SLC7A14: variants seen among roughly 807,000 people sequenced by gnomAD.
SLC7A14 encodes gamma-aminobutyric acid transporter SLC7A14.
In SLC7A14, 37 loss-of-function variants were observed where a neutral mutation model predicts 60.2. The observed-to-expected ratio is 0.61, with a 90% CI of 0.47 to 0.81. The LOEUF is 0.81. Ranked by LOEUF, SLC7A14 falls within the 30% of genes least tolerant of loss-of-function variation. The pLI is 0.00. For synonymous variants in SLC7A14, 399 were observed against 395.8 expected (o/e 1.01, Z -0.10); for missense variants, 886 against 982.7 (o/e 0.90, Z 1.32).
chr3:170,522,066 C>A (rs965659357), intron 2 of SLC7A14, among the ~76,000 whole-genome samples: 13 of 152,178 alleles, frequency 8.5e-5, no homozygotes, highest in Non-Finnish European at 1.3e-4. Context: ...CACATTGAAA[C>A]ATTGCTATAT....
At chr3:170,572,999 G>T (rs1246502688) in intron 1 of SLC7A14, among the ~76,000 whole-genome samples, 1 of 152,120 alleles carries the variant, frequency 6.6e-6, no homozygotes, top group East Asian at 1.9e-4. Context: ...AAAACCTCTT[G>T]GGAGTCTATT....
In SLC7A14 at chr3:170,463,521, G is replaced by A. The variant is rs570994806; in HGVS notation, c.*3534C>T. 3 of 152,104 alleles carry A rather than the reference G, an allele frequency of 2.0e-5. No homozygotes were observed. The highest frequency in any genetic ancestry group is 7.2e-5 in the African/African-American group (3 of 41,476). 9.4% of individuals were successfully genotyped at this position (152,104 alleles called of 1,614,324 possible). A position where few individuals can be genotyped will look rare whatever the true frequency, so the allele number is the denominator to read the frequency against. On this transcript the variant is annotated 3_prime_UTR_variant, in exon 8 of 8. Transcript: ENST00000231706. ...TTTATATATCCCATTTCCCCTATTTGATTTTCCTTTTTAAGAGACAGGGTA... is the reference window on the plus strand; with the variant it reads ...TTTATATATCCCATTTCCCCTATTTAATTTTCCTTTTTAAGAGACAGGGTA...
At chr3:170,498,608 G>A in intron 4 of SLC7A14, 59 bp downstream of exon 4, 2 of 1,521,638 alleles carry the variant, frequency 1.3e-6, no homozygotes, top group Admixed American at 3.4e-5. Flanking sequence ...TCTTAGGTTG[G>A]TCACAGGGTA....
At chr3:170,495,865 A>G in intron 4 of SLC7A14, 1 of 1,273,082 alleles carries the variant, frequency 7.9e-7, no homozygotes, top group East Asian at 2.3e-5. Flanking sequence ...AGCTACATGA[A>G]CAACCTTAGG....
chr3:170,468,086 A>G (rs1490372404), intron 7 of SLC7A14, among the ~76,000 whole-genome samples: 1 of 152,194 alleles, frequency 6.6e-6, no homozygotes. Context: ...TAGACTCTGC[A>G]GAAAATTGGC....
Position 170,468,324 on chromosome 3 carries a change from G to T in SLC7A14, c.1994-947C>A, listed in dbSNP as rs751259071. Reference sequence around the variant, plus strand: ...CTTTTCTTTTTTTTTTTGAGACAGGGTCTCACTCTGTTGTCCAGGCTGGAG... The same window carrying T: ...CTTTTCTTTTTTTTTTTGAGACAGGTTCTCACTCTGTTGTCCAGGCTGGAG... On this transcript the variant is annotated intron_variant, in intron 7 of 7. Coordinates refer to ENST00000231706, the MANE Select transcript of SLC7A14 (RefSeq NM_020949.3). 3.3e-5 allele frequency among the ~76,000 whole-genome samples: 5 copies of T among 151,572 alleles called. No individual in the cohort carries two copies. In the South Asian group the frequency reaches 6.2e-4, roughly 19 times the overall value.
intron 2 of SLC7A14, among the ~76,000 whole-genome samples, chr3:170,523,849 C>A (rs1404004771): frequency 6.6e-6 from 1 of 152,190 alleles, no homozygotes; most frequent in Non-Finnish European, 1.5e-5. Context: ...TGGAGCAGCA[C>A]TTCCTTTAGT....
chr3:170,472,233 G>A (rs1236482087), intron 7 of SLC7A14, among the ~76,000 whole-genome samples: 9 of 151,860 alleles, frequency 5.9e-5, no homozygotes, highest in East Asian at 1.9e-4. Flanking sequence ...AGCTGGGCAC[G>A]GTGGCGGGCA....
intron 6 of SLC7A14, 73 bp from the exon 7 acceptor site, chr3:170,481,239 G>A (rs1711811652): frequency 6.8e-7 from 1 of 1,472,942 alleles, no homozygotes; most frequent in Admixed American, 2.2e-5. Context: ...AACATAGGGA[G>A]CTAGAACTAT....
At chr3:170,506,253 A>G (rs149626359) in intron 2 of SLC7A14, among the ~76,000 whole-genome samples, 76 of 152,324 alleles carry the variant, frequency 5.0e-4, no homozygotes, top group Middle Eastern at 6.8e-3. Context: ...AGAGGTAATA[A>G]GCCTGCAAGT....
chr3:170,569,618 C>T (rs554977758), intron 1 of SLC7A14, among the ~76,000 whole-genome samples: 37 of 152,214 alleles, frequency 2.4e-4, no homozygotes, highest in East Asian at 7.7e-4. Flanking sequence ...CTGTAGAATT[C>T]GGCTGTGAAT....
chr3:170,490,663 G>A (rs1042506238), intron 4 of SLC7A14, among the ~76,000 whole-genome samples: 9 of 152,178 alleles, frequency 5.9e-5, no homozygotes, highest in African/African-American at 7.2e-5. Context: ...AAATCCTAGG[G>A]CCACACACAT....
Position 170,463,309 on chromosome 3 carries a change from C to G in SLC7A14, c.*3746G>C, listed in dbSNP as rs896127972. ...ACAAACTAGTAGACCTTATTCATGC[C>G]GATCCTTTGCTTGGCATGCCTTTCT... On this transcript the variant is annotated 3_prime_UTR_variant, in exon 8 of 8. Coordinates refer to ENST00000231706, the MANE Select transcript of SLC7A14 (RefSeq NM_020949.3). The G allele has an allele frequency of 6.6e-6, 1 of 152,000 alleles. No homozygotes were observed. The highest frequency in any genetic ancestry group is 6.6e-5 in the Admixed American group (1 of 15,252). 9.4% of individuals were successfully genotyped at this position (152,000 alleles called of 1,614,324 possible). A position where few individuals can be genotyped will look rare whatever the true frequency, so the allele number is the denominator to read the frequency against.
At chr3:170,555,549 C>T (rs1714463418) in intron 1 of SLC7A14, among the ~76,000 whole-genome samples, 1 of 152,160 alleles carries the variant, frequency 6.6e-6, no homozygotes, top group African/African-American at 2.4e-5. Context: ...CATCACTGTG[C>T]AAGCCTCATA....
chr3:170,515,503 A>G (rs998301585), intron 2 of SLC7A14, among the ~76,000 whole-genome samples: 5 of 152,066 alleles, frequency 3.3e-5, no homozygotes, highest in African/African-American at 7.2e-5. Flanking sequence ...CTCTAGGGTT[A>G]AATGTATTTC....
At chr3:170,580,287 C>T (rs1390217209) in intron 1 of SLC7A14, among the ~76,000 whole-genome samples, 1 of 152,194 alleles carries the variant, frequency 6.6e-6, no homozygotes, top group Non-Finnish European at 1.5e-5. Context: ...GCTACATTGT[C>T]AGTTCTCTTT....
intron 2 of SLC7A14, among the ~76,000 whole-genome samples, chr3:170,522,249 G>A (rs933270623): frequency 6.6e-6 from 1 of 152,162 alleles, no homozygotes; most frequent in Non-Finnish European, 1.5e-5. Flanking sequence ...ATAAAGTTGA[G>A]CATTCACTTA....
At chr3:170,495,847 T>C in intron 4 of SLC7A14, 1 of 1,164,074 alleles carries the variant, frequency 8.6e-7, no homozygotes, top group East Asian at 2.3e-5. Context: ...CGGATCAACG[T>C]ATTTGAGAGC....
At chr3:170,477,302 G>A (rs1460068938) in intron 7 of SLC7A14, among the ~76,000 whole-genome samples, 2 of 152,176 alleles carry the variant, frequency 1.3e-5, no homozygotes, top group African/African-American at 4.8e-5. Flanking sequence ...GAAGTGGGAA[G>A]GTGGTGGACT....
Sources: allele counts gnomAD v4.1 joint callset (sites outside exome capture counted in the v4.1 genomes callset), GRCh38; gene constraint gnomAD v4.1.1; transcripts MANE v1.5; gene names NCBI Gene and HGNC (gene_info 2026-07-23, HGNC 2026-07-21).